The following CALN1 variants were observed in gnomAD, a reference collection of about 807,000 sequenced individuals.
CALN1 encodes calneuron 1.
Under a neutral mutation model 30.6 loss-of-function variants are expected in CALN1, and 17 were observed. The observed-to-expected ratio is 0.56, with a 90% confidence interval of 0.38 to 0.83. CALN1 has a LOEUF of 0.83. Among genes scored for constraint, CALN1 ranks in the 40% least tolerant of loss-of-function variants. The pLI, the probability that CALN1 is intolerant of heterozygous loss-of-function variation, is 0.00. For missense variants in CALN1, 291 were observed against 354.9 expected (o/e 0.82, Z 1.45); for synonymous variants, 156 against 131.4 (o/e 1.19, Z -1.28).
At chr7:71,869,717 A>G (rs1403107128) in intron 5 of CALN1, among the ~76,000 whole-genome samples, 1 of 152,206 alleles carries the variant, frequency 6.6e-6, no homozygotes, top group Non-Finnish European at 1.5e-5. Context: ...CATAATGTAT[A>G]TATCTGAATA....
intron 3 of CALN1, among the ~76,000 whole-genome samples, chr7:72,127,805 C>CA (rs1407405586): frequency 6.6e-6 from 1 of 152,082 alleles, no homozygotes; most frequent in Admixed American, 6.5e-5. Flanking sequence ...TAACAGCCTT[C>CA]AAAAATACAG....
chr7:72,143,285 C>G (rs572394532), intron 3 of CALN1, among the ~76,000 whole-genome samples: 1 of 152,146 alleles, frequency 6.6e-6, no homozygotes. Flanking sequence ...CTTAAAGGAC[C>G]TGATGGAGCT....
intron 2 of CALN1, among the ~76,000 whole-genome samples, chr7:72,305,444 T>C (rs1158818487): frequency 6.6e-6 from 1 of 152,222 alleles, no homozygotes; most frequent in African/African-American, 2.4e-5. Context: ...GATGAATTTC[T>C]ATGTAACTTC....
At chr7:72,200,969 C>G (rs1791376685) in intron 3 of CALN1, among the ~76,000 whole-genome samples, 1 of 152,156 alleles carries the variant, frequency 6.6e-6, no homozygotes, top group African/African-American at 2.4e-5. Flanking sequence ...ACCAAAAAGA[C>G]ACCTGTTACT....
intron 3 of CALN1, among the ~76,000 whole-genome samples, chr7:72,109,434 C>G (rs573188609): frequency 5.3e-5 from 8 of 152,276 alleles, no homozygotes; most frequent in Non-Finnish European, 1.0e-4. Context: ...GAACAGGAAG[C>G]CTGTGTTCTC....
intron 3 of CALN1, among the ~76,000 whole-genome samples, chr7:72,232,148 G>T (rs1446255437): frequency 6.6e-6 from 1 of 152,190 alleles, no homozygotes; most frequent in Non-Finnish European, 1.5e-5. Context: ...AGAAGAAACT[G>T]CCTCAGCAGG....
At chr7:72,019,118 T>C (rs971369529) in intron 5 of CALN1, among the ~76,000 whole-genome samples, 2 of 151,956 alleles carry the variant, frequency 1.3e-5, no homozygotes, top group African/African-American at 4.8e-5. Context: ...CCCTAAGTGC[T>C]GGGATTATAG....
intron 3 of CALN1, among the ~76,000 whole-genome samples, chr7:72,121,287 TAA>T (rs1808369189): frequency 7.0e-6 from 1 of 142,678 alleles, no homozygotes; most frequent in African/African-American, 2.6e-5. Context: ...TAATAATATA[TAA>T]ATTATATAAT....
intron 5 of CALN1, among the ~76,000 whole-genome samples, chr7:71,877,733 T>C (rs1370489563): frequency 6.6e-6 from 1 of 152,152 alleles, no homozygotes; most frequent in African/African-American, 2.4e-5. Context: ...TGTTAATATA[T>C]AATTTATTGC....
chr7:71,816,958 A>G (rs1788300521), intron 5 of CALN1, among the ~76,000 whole-genome samples: 1 of 152,072 alleles, frequency 6.6e-6, no homozygotes. Flanking sequence ...ACAGAGCGAG[A>G]CTCTGTCTCC....
chr7:72,319,365 A>G (rs1172430310), intron 2 of CALN1, among the ~76,000 whole-genome samples: 1 of 152,164 alleles, frequency 6.6e-6, no homozygotes, highest in Non-Finnish European at 1.5e-5. Flanking sequence ...AAAGACAGAG[A>G]GCTTGTGCAG....
chr7:71,930,054 C>T (rs570058238), intron 5 of CALN1, among the ~76,000 whole-genome samples: 37 of 152,012 alleles, frequency 2.4e-4, no homozygotes, highest in Non-Finnish European at 4.9e-4. Flanking sequence ...CTTACAATAC[C>T]GAATGCAATG....
At chr7:72,170,137 C>T (rs568398460) in intron 3 of CALN1, among the ~76,000 whole-genome samples, 1 of 152,254 alleles carries the variant, frequency 6.6e-6, no homozygotes, top group South Asian at 2.1e-4. Context: ...CATGCCTCAG[C>T]TAATTATTTT....
At chr7:71,955,257 AC>A (rs1267134602) in intron 5 of CALN1, among the ~76,000 whole-genome samples, 1 of 152,050 alleles carries the variant, frequency 6.6e-6, no homozygotes. Flanking sequence ...TATGGAAGAA[AC>A]CGTCCCTGTG....
intron 3 of CALN1, among the ~76,000 whole-genome samples, chr7:72,244,771 G>A (rs900494353): frequency 7.9e-5 from 12 of 152,066 alleles, no homozygotes; most frequent in South Asian, 2.1e-4. Flanking sequence ...TGGTTTTATG[G>A]CACTACCAAT....
At chr7:71,916,861 C>T (rs1321771818) in intron 5 of CALN1, among the ~76,000 whole-genome samples, 1 of 152,116 alleles carries the variant, frequency 6.6e-6, no homozygotes, top group African/African-American at 2.4e-5. Context: ...AGGTTCTGAA[C>T]ATCCACTGAG....
intron 3 of CALN1, among the ~76,000 whole-genome samples, chr7:72,188,364 C>CT (rs1790357983): frequency 6.6e-6 from 1 of 152,028 alleles, no homozygotes; most frequent in Non-Finnish European, 1.5e-5. Context: ...TGGAATACTA[C>CT]TCAGCCATAA....
chr7:71,843,091 A>C (rs1369817038), intron 5 of CALN1, among the ~76,000 whole-genome samples: 2 of 152,198 alleles, frequency 1.3e-5, no homozygotes, highest in Non-Finnish European at 2.9e-5. Flanking sequence ...CCTCCAAATA[A>C]GAAATGTAGG....
chr7:72,339,795 A>T (rs1802297489), intron 2 of CALN1, among the ~76,000 whole-genome samples: 1 of 152,210 alleles, frequency 6.6e-6, no homozygotes, highest in Non-Finnish European at 1.5e-5. Flanking sequence ...TAAAACCATC[A>T]GATCTCGTGA....
Sources: gnomAD v4.1 joint callset for allele counts (sites outside exome capture counted in the v4.1 genomes callset) on GRCh38, gnomAD v4.1.1 for gene constraint, MANE v1.5 for transcripts, NCBI Gene and HGNC (gene_info 2026-07-23, HGNC 2026-07-21) for gene names.